Variants in DCLK1 observed in about 807,000 individuals in gnomAD.
DCLK1 encodes doublecortin like kinase 1, also known as serine/threonine-protein kinase DCLK1.
Under a neutral mutation model 86.2 loss-of-function variants are expected in DCLK1, and 16 were observed. That is an observed-to-expected ratio of 0.19 (90% CI 0.13 to 0.28). DCLK1 has a LOEUF of 0.28. Among genes scored for constraint, DCLK1 ranks in the 10% least tolerant of loss-of-function variants. DCLK1 has a pLI of 1.00. For synonymous variants in DCLK1, 369 were observed against 370.5 expected (o/e 1.00, Z 0.05); for missense variants, 590 against 940.2 (o/e 0.63, Z 4.87).
At chr13:35,881,080 C>T (rs1480564223) in intron 4 of DCLK1, among the ~76,000 whole-genome samples, 3 of 152,188 alleles carry the variant, frequency 2.0e-5, no homozygotes, top group South Asian at 2.1e-4. Flanking sequence ...CTCTGGCTCA[C>T]GACCTGCAGC....
intron 11 of DCLK1, among the ~76,000 whole-genome samples, chr13:35,818,144 C>T (rs147410109): frequency 1.3e-5 from 2 of 152,240 alleles, no homozygotes; most frequent in African/African-American, 4.8e-5. Flanking sequence ...TTAGTCAATA[C>T]ACTCTGAGGG....
chr13:36,057,712 T>G (rs1380748272), intron 3 of DCLK1, among the ~76,000 whole-genome samples: 1 of 152,216 alleles, frequency 6.6e-6, no homozygotes, highest in Non-Finnish European at 1.5e-5. Context: ...ATTAAAGCCA[T>G]GCTCTGCAGC....
At chr13:35,839,876 A>T (rs1288429220) in intron 6 of DCLK1, among the ~76,000 whole-genome samples, 1 of 152,214 alleles carries the variant, frequency 6.6e-6, no homozygotes, top group Non-Finnish European at 1.5e-5. Flanking sequence ...AACAGTACCA[A>T]ATATTTAATA....
intron 2 of DCLK1, among the ~76,000 whole-genome samples, chr13:36,113,923 T>G (rs1885695860): frequency 6.6e-6 from 1 of 152,300 alleles, no homozygotes; most frequent in South Asian, 2.1e-4. Flanking sequence ...GTTGGGTCCA[T>G]GTCAATGTGA....
intron 7 of DCLK1, among the ~76,000 whole-genome samples, chr13:35,837,789 G>A (rs1429049278): frequency 6.6e-6 from 1 of 152,110 alleles, no homozygotes; most frequent in Non-Finnish European, 1.5e-5. Context: ...AGCCAGGCTG[G>A]GTGTGGTGGC....
At chr13:35,950,421 C>T (rs1877605131) in intron 3 of DCLK1, among the ~76,000 whole-genome samples, 1 of 152,164 alleles carries the variant, frequency 6.6e-6, no homozygotes, top group South Asian at 2.1e-4. Flanking sequence ...CATTACTGTA[C>T]ATTCTGATAT....
intron 3 of DCLK1, among the ~76,000 whole-genome samples, chr13:36,098,442 T>G (rs577294702): frequency 6.6e-6 from 1 of 152,214 alleles, no homozygotes; most frequent in Non-Finnish European, 1.5e-5. Context: ...AAAAGTCACA[T>G]GAACAGAATC....
chr13:35,869,021 C>T, intron 5 of DCLK1: 1 of 458,042 alleles, frequency 2.2e-6, no homozygotes, highest in Non-Finnish European at 4.4e-6. Context: ...AAACTCCTGA[C>T]CTCAAGTGAT....
chr13:36,117,210 G>A (rs1885821569), intron 2 of DCLK1, among the ~76,000 whole-genome samples: 1 of 151,912 alleles, frequency 6.6e-6, no homozygotes, highest in Non-Finnish European at 1.5e-5. Flanking sequence ...GAAAAGTAGA[G>A]ACTCTTTTAC....
At chr13:35,870,387 G>A (rs946054992) in intron 5 of DCLK1, among the ~76,000 whole-genome samples, 3 of 152,096 alleles carry the variant, frequency 2.0e-5, no homozygotes, top group South Asian at 2.1e-4. Flanking sequence ...AGCCTCAGCC[G>A]AGAGCTCTTT....
chr13:35,895,403 T>C (rs959597521), intron 4 of DCLK1, among the ~76,000 whole-genome samples: 1 of 152,220 alleles, frequency 6.6e-6, no homozygotes, highest in African/African-American at 2.4e-5. Context: ...TACCAGTAGC[T>C]GGATGCTTCA....
At chr13:36,002,024 T>TA (rs76219487) in intron 3 of DCLK1, among the ~76,000 whole-genome samples, 72 of 150,056 alleles carry the variant, frequency 4.8e-4, no homozygotes, top group East Asian at 2.5e-3. Flanking sequence ...GAAGTTGGGT[T>TA]AAAAAAAAAA....
chr13:35,828,817 C>T (rs761358575), intron 8 of DCLK1, among the ~76,000 whole-genome samples: 9 of 152,090 alleles, frequency 5.9e-5, no homozygotes, highest in Non-Finnish European at 1.2e-4. Flanking sequence ...CAAGTCTCTC[C>T]TGAGGTTCTC....
intron 3 of DCLK1, among the ~76,000 whole-genome samples, chr13:36,053,476 T>C (rs1425082121): frequency 1.3e-5 from 2 of 152,144 alleles, no homozygotes; most frequent in Non-Finnish European, 2.9e-5. Context: ...ATTTACCGTC[T>C]ACTATGTGCT....
intron 1 of DCLK1, among the ~76,000 whole-genome samples, chr13:36,129,669 G>A (rs1886300103): frequency 6.6e-6 from 1 of 152,314 alleles, no homozygotes; most frequent in Admixed American, 6.5e-5. Flanking sequence ...GGAAGGCTGC[G>A]AGAACACACA....
intron 10 of DCLK1, 109 bp downstream of exon 10, chr13:35,827,526 C>T: frequency 7.4e-7 from 1 of 1,344,780 alleles, no homozygotes; most frequent in Non-Finnish European, 1.0e-6. Flanking sequence ...GGCCAATGTA[C>T]AGAAATGAGA....
In DCLK1 at chr13:36,131,140, G is replaced by A. The variant is rs1158357967; in HGVS notation, c.-46C>T. On this transcript the variant is annotated 5_prime_UTR_variant, in exon 1 of 17. Transcript: ENST00000360631. The stretch of plus-strand genomic sequence containing the variant: ...GGTCCGCGGAGAGACGCCGCCGGGG[G>A]TCTTTGTGGCCGCGCTGGGGGCCGC... 6.6e-6 allele frequency: 1 copy of A among 151,538 alleles called. No individual in the cohort carries two copies. The highest frequency in any genetic ancestry group is 1.5e-5 in the Non-Finnish European group (1 of 67,648). 9.4% of individuals were successfully genotyped at this position (151,538 alleles called of 1,614,324 possible). A position where few individuals can be genotyped will look rare whatever the true frequency, so the allele number is the denominator to read the frequency against.
At chr13:36,064,780 G>A (rs1883690565) in intron 3 of DCLK1, among the ~76,000 whole-genome samples, 1 of 150,918 alleles carries the variant, frequency 6.6e-6, no homozygotes, top group African/African-American at 2.4e-5. Flanking sequence ...AATGAAACAT[G>A]AAAGTTCAGT....
intron 3 of DCLK1, among the ~76,000 whole-genome samples, chr13:36,101,641 T>A (rs1313700349): frequency 1.3e-5 from 2 of 151,596 alleles, no homozygotes; most frequent in Admixed American, 1.3e-4. Context: ...ACTCAGTAGG[T>A]CTGTGTGGAG....
Sources: allele counts gnomAD v4.1 joint callset (sites outside exome capture counted in the v4.1 genomes callset), GRCh38; gene constraint gnomAD v4.1.1; transcripts MANE v1.5; gene names NCBI Gene and HGNC (gene_info 2026-07-23, HGNC 2026-07-21).